Variants in MITF observed in about 807,000 individuals in gnomAD.
MITF encodes melanocyte inducing transcription factor.
Under a neutral mutation model 60.5 loss-of-function variants are expected in MITF, and 17 were observed. The ratio of observed to expected loss-of-function variants is 0.28; its 90% CI spans 0.19 to 0.42. The LOEUF (loss-of-function observed/expected upper bound fraction) is 0.42, where lower values mean the gene tolerates loss of function less well. MITF is among the 10% of genes least tolerant of loss of function. The probability of loss-of-function intolerance (pLI) is 1.00; values close to 1 mark genes in which losing one functional copy is unlikely to be tolerated. For synonymous variants in MITF, 260 were observed against 248.5 expected (o/e 1.05, Z -0.43); for missense variants, 622 against 683.5 (o/e 0.91, Z 1.00).
chr3:69,849,224 A>G lies in MITF; in HGVS notation c.105-29910A>G, dbSNP rs2063785502. ...CGTGATCCGCCCGCCTCGGCCTCCC[A>G]AAGTGCTGGGATTACAGGCGTGAGC... On this transcript the variant is annotated intron_variant, in intron 1 of 9. Coordinates refer to ENST00000352241, the MANE Select transcript of MITF (RefSeq NM_001354604.2). 2.0e-5 allele frequency among the ~76,000 whole-genome samples: 3 copies of G among 152,140 alleles called. No individual in the cohort carries two copies. In the South Asian group the frequency reaches 6.2e-4, roughly 32 times the overall value.
chr3:69,776,562 G>GTGGT (rs1339682635), intron 1 of MITF, among the ~76,000 whole-genome samples: 3 of 152,192 alleles, frequency 2.0e-5, no homozygotes, highest in Admixed American at 6.5e-5. Flanking sequence ...ATAACAACTT[G>GTGGT]TGGTTCATGG....
chr3:69,740,428 C>T (rs1292035338), intron 1 of MITF, among the ~76,000 whole-genome samples: 1 of 152,154 alleles, frequency 6.6e-6, no homozygotes, highest in Non-Finnish European at 1.5e-5. Context: ...TGGGAGTGTA[C>T]CCCGCTTGGC....
At chr3:69,952,536 C>A (rs1559745691) in intron 7 of MITF, among the ~76,000 whole-genome samples, 1 of 152,006 alleles carries the variant, frequency 6.6e-6, no homozygotes, top group Non-Finnish European at 1.5e-5. Flanking sequence ...GTGTGAATTT[C>A]TCATCTCATG....
intron 1 of MITF, among the ~76,000 whole-genome samples, chr3:69,786,294 G>A (rs1020370508): frequency 6.6e-6 from 1 of 152,198 alleles, no homozygotes; most frequent in African/African-American, 2.4e-5. Context: ...GGTGACCTTT[G>A]TCAGTGGCTT....
chr3:69,860,336 G>A (rs2063989858), intron 1 of MITF, among the ~76,000 whole-genome samples: 1 of 152,132 alleles, frequency 6.6e-6, no homozygotes, highest in African/African-American at 2.4e-5. Context: ...GCTGGGCGCG[G>A]TGGCTCACGC....
chr3:69,849,663 C>T (rs1406741448), intron 1 of MITF, among the ~76,000 whole-genome samples: 2 of 152,170 alleles, frequency 1.3e-5, no homozygotes, highest in Non-Finnish European at 1.5e-5. Flanking sequence ...ACTCTCTGAC[C>T]CCAGAGCCTG....
At chr3:69,813,578 C>G (rs565026572) in intron 1 of MITF, among the ~76,000 whole-genome samples, 10 of 152,190 alleles carry the variant, frequency 6.6e-5, no homozygotes, top group Middle Eastern at 3.4e-3. Context: ...CATTGGAACA[C>G]AAGTCTCTTG....
intron 2 of MITF, among the ~76,000 whole-genome samples, chr3:69,927,867 A>T (rs774007073): frequency 1.3e-5 from 2 of 152,252 alleles, no homozygotes; most frequent in African/African-American, 4.8e-5. Context: ...GAAAGCCTGA[A>T]CTATATGGCT....
chr3:69,780,977 A>G (rs1047836788), intron 1 of MITF, among the ~76,000 whole-genome samples: 2 of 152,178 alleles, frequency 1.3e-5, no homozygotes, highest in African/African-American at 4.8e-5. Context: ...GATATTGGTG[A>G]CACTGTTTAT....
At chr3:69,818,262 C>T (rs1045441677) in intron 1 of MITF, among the ~76,000 whole-genome samples, 4 of 152,178 alleles carry the variant, frequency 2.6e-5, no homozygotes, top group African/African-American at 9.7e-5. Flanking sequence ...TTGCTCCTCC[C>T]ACCATCCTTT....
intron 1 of MITF, among the ~76,000 whole-genome samples, chr3:69,802,099 G>T (rs571166149): frequency 6.3e-4 from 96 of 152,276 alleles, no homozygotes; most frequent in African/African-American, 2.2e-3. Flanking sequence ...GTAACCAAGA[G>T]ATTTGCCTAG....
At chr3:69,869,413 A>G (rs2064179610) in intron 1 of MITF, among the ~76,000 whole-genome samples, 1 of 152,068 alleles carries the variant, frequency 6.6e-6, no homozygotes. Context: ...AGAGAAGGGG[A>G]TCATTTGAAG....
chr3:69,835,836 T>C (rs2107119250), intron 1 of MITF, among the ~76,000 whole-genome samples: 1 of 152,170 alleles, frequency 6.6e-6, no homozygotes, highest in East Asian at 1.9e-4. Context: ...TTGGTCTTTG[T>C]GTGTGTTTTT....
At chr3:69,928,631 A>T (rs2065647193) in intron 2 of MITF, among the ~76,000 whole-genome samples, 1 of 152,216 alleles carries the variant, frequency 6.6e-6, no homozygotes, top group Non-Finnish European at 1.5e-5. Flanking sequence ...GCAGTTTGGT[A>T]TCTCTAGATC....
At chr3:69,815,679 A>G (rs557760038) in intron 1 of MITF, among the ~76,000 whole-genome samples, 4 of 152,300 alleles carry the variant, frequency 2.6e-5, no homozygotes, top group African/African-American at 9.6e-5. Context: ...GAGAGTCAAA[A>G]GTTATATGTG....
Position 69,965,858 on chromosome 3 carries a change from A to G in MITF, c.*610A>G, listed in dbSNP as rs2066678614. 4.3e-6 allele frequency: 1 copy of G among 231,262 alleles called. No homozygotes were observed. The highest frequency in any genetic ancestry group is 8.5e-6 in the Non-Finnish European group (1 of 117,048). 14.3% of individuals were successfully genotyped at this position (231,262 alleles called of 1,614,324 possible). On this transcript the variant is annotated 3_prime_UTR_variant, in exon 10 of 10. Coordinates refer to ENST00000352241, the MANE Select transcript of MITF (RefSeq NM_001354604.2). ...TTTCATGAGGATCGTCTGGTTAGAA[A>G]ACATAACTGATACCAACCGAAACTG...
At chr3:69,801,597 G>A (rs1351579721) in intron 1 of MITF, among the ~76,000 whole-genome samples, 1 of 152,182 alleles carries the variant, frequency 6.6e-6, no homozygotes, top group Non-Finnish European at 1.5e-5. Flanking sequence ...TTAATTATAA[G>A]GTTGGAAGAG....
intron 1 of MITF, among the ~76,000 whole-genome samples, chr3:69,819,793 C>G (rs2063238708): frequency 6.6e-6 from 1 of 152,042 alleles, no homozygotes; most frequent in Non-Finnish European, 1.5e-5. Context: ...GAAACCTCGT[C>G]TCTACTAAAA....
chr3:69,871,545 C>T (rs2064237171), intron 1 of MITF, among the ~76,000 whole-genome samples: 1 of 152,196 alleles, frequency 6.6e-6, no homozygotes, highest in Admixed American at 6.5e-5. Flanking sequence ...TGTAAGGTTG[C>T]CTGTTAAACC....
Sources: allele counts gnomAD v4.1 joint callset (sites outside exome capture counted in the v4.1 genomes callset), GRCh38; gene constraint gnomAD v4.1.1; transcripts MANE v1.5; gene names NCBI Gene and HGNC (gene_info 2026-07-23, HGNC 2026-07-21).